BCKDHB: variants seen among roughly 807,000 people sequenced by gnomAD.
The protein encoded by BCKDHB is branched chain keto acid dehydrogenase E1 subunit beta.
Under a neutral mutation model 48.5 loss-of-function variants are expected in BCKDHB, and 41 were observed. That is an observed-to-expected ratio of 0.85 (90% CI 0.66 to 1.10). BCKDHB has a LOEUF of 1.10. Among genes scored for constraint, BCKDHB ranks in the 50% least tolerant of loss-of-function variants. The pLI is 0.00. For missense variants in BCKDHB, 496 were observed against 494.2 expected, an observed-to-expected ratio of 1.00 and a Z score of -0.03; for synonymous variants, 201 against 174.8, an observed-to-expected ratio of 1.15 and a Z score of -1.18.
chr6:80,412,614 T>TCTCCCGCCTTTTTTCCCGGCGGCGG, the BCKDHB span, among the ~76,000 whole-genome samples: 2 of 152,234 alleles, frequency 1.3e-5, no homozygotes, highest in African/African-American at 4.8e-5. Flanking sequence ...CCTTCATCCA[T>TCTCCCGCCTTTTTTCCCGGCGGCGG]GAGTTGTATA....
chr6:80,390,740 G>T, the BCKDHB span, among the ~76,000 whole-genome samples: 1 of 152,060 alleles, frequency 6.6e-6, no homozygotes, highest in African/African-American at 2.4e-5. Flanking sequence ...ATGTGTATAG[G>T]TTCAAGTTGA....
intron 6 of BCKDHB, among the ~76,000 whole-genome samples, chr6:80,181,262 A>G (rs577836352): frequency 1.3e-5 from 2 of 152,346 alleles, no homozygotes; most frequent in South Asian, 2.1e-4. Flanking sequence ...TTAAAAATGT[A>G]TACAACTGCT....
chr6:80,428,889 G>A, the BCKDHB span, among the ~76,000 whole-genome samples: 5 of 152,120 alleles, frequency 3.3e-5, no homozygotes, highest in Non-Finnish European at 5.9e-5. Flanking sequence ...GATCCCATTT[G>A]TCAATTTTGG....
chr6:80,403,640 C>T, the BCKDHB span, among the ~76,000 whole-genome samples: 1 of 151,896 alleles, frequency 6.6e-6, no homozygotes, highest in East Asian at 1.9e-4. Flanking sequence ...TGAGATTGGG[C>T]ATCATTATCT....
chr6:80,407,867 C>T, the BCKDHB span, among the ~76,000 whole-genome samples: 8 of 152,014 alleles, frequency 5.3e-5, no homozygotes, highest in African/African-American at 1.9e-4. Context: ...GCCTGATTGC[C>T]CTGGCTGGAA....
chr6:80,167,498 T>A (rs1394627726), intron 3 of BCKDHB, among the ~76,000 whole-genome samples, 180 bp from the exon 4 acceptor site: 1 of 152,144 alleles, frequency 6.6e-6, no homozygotes, highest in African/African-American at 2.4e-5. Context: ...TGCCTTGGCC[T>A]CCCAAACTGC....
At chr6:80,232,374 G>T (rs1257843064) in intron 8 of BCKDHB, among the ~76,000 whole-genome samples, 2 of 151,680 alleles carry the variant, frequency 1.3e-5, no homozygotes, top group African/African-American at 4.8e-5. Flanking sequence ...AGGAAAGTAG[G>T]CATTCTTTAC....
chr6:80,109,667 A>G (rs1769312650), intron 1 of BCKDHB, among the ~76,000 whole-genome samples: 1 of 152,018 alleles, frequency 6.6e-6, no homozygotes, highest in Admixed American at 6.6e-5. Flanking sequence ...AAATTGATTT[A>G]TTTTTACTTA....
intron 1 of BCKDHB, among the ~76,000 whole-genome samples, chr6:80,121,912 G>A (rs1371234186): frequency 1.3e-5 from 2 of 152,174 alleles, no homozygotes; most frequent in African/African-American, 4.8e-5. Context: ...GTGAGAGAGG[G>A]CATCCTTGTC....
chr6:80,262,128 T>G (rs1777332684), intron 8 of BCKDHB, among the ~76,000 whole-genome samples: 1 of 152,162 alleles, frequency 6.6e-6, no homozygotes, highest in South Asian at 2.1e-4. Context: ...GCCACTGAGC[T>G]AGGGTCACAC....
chr6:80,383,548 T>C, the BCKDHB span, among the ~76,000 whole-genome samples: 1 of 152,254 alleles, frequency 6.6e-6, no homozygotes, highest in East Asian at 1.9e-4. Context: ...TTTTCTAATA[T>C]TTCCTAGCTT....
chr6:80,342,178 T>A (rs1194751201), intron 9 of BCKDHB, among the ~76,000 whole-genome samples: 1 of 151,854 alleles, frequency 6.6e-6, no homozygotes, highest in African/African-American at 2.4e-5. Context: ...ACACAGGGGG[T>A]AGGGATAAAG....
chr6:80,193,547 T>C (rs1010818468), intron 6 of BCKDHB, among the ~76,000 whole-genome samples: 5 of 151,896 alleles, frequency 3.3e-5, no homozygotes, highest in Non-Finnish European at 7.4e-5. Flanking sequence ...GGCAAAACCC[T>C]GTATCTACTA....
At chr6:80,297,278 A>G (rs1226487478) in intron 9 of BCKDHB, among the ~76,000 whole-genome samples, 1 of 152,210 alleles carries the variant, frequency 6.6e-6, no homozygotes, top group Non-Finnish European at 1.5e-5. Context: ...AAATGTTTAA[A>G]TTTTGAAGAT....
chr6:80,141,382 A>T (rs1243867051), intron 3 of BCKDHB, among the ~76,000 whole-genome samples: 3 of 152,126 alleles, frequency 2.0e-5, no homozygotes, highest in Non-Finnish European at 4.4e-5. Context: ...GTTTGAAAAA[A>T]ATCTATTTTT....
chr6:80,372,965 G>T, the BCKDHB span, among the ~76,000 whole-genome samples: 2 of 152,064 alleles, frequency 1.3e-5, no homozygotes, highest in African/African-American at 4.8e-5. Flanking sequence ...TGGCTTCATA[G>T]AATGATTTAG....
At chr6:80,115,132 C>T (rs904526072) in intron 1 of BCKDHB, among the ~76,000 whole-genome samples, 9 of 152,010 alleles carry the variant, frequency 5.9e-5, no homozygotes, top group Non-Finnish European at 1.0e-4. Flanking sequence ...CTTTATGGAT[C>T]TTTCATTTCA....
chr6:80,429,147 G>A, the BCKDHB span, among the ~76,000 whole-genome samples: 1 of 152,150 alleles, frequency 6.6e-6, no homozygotes, highest in South Asian at 2.1e-4. Context: ...CCCGTTGCTT[G>A]TTTGTGTCAG....
At chr6:80,374,679 C>A in the BCKDHB span, 1 of 400,138 alleles carries the variant, frequency 2.5e-6, no homozygotes, top group Non-Finnish European at 4.6e-6. Flanking sequence ...AGGTACTATT[C>A]TATTCACCAT....
Sources: allele counts gnomAD v4.1 joint callset (sites outside exome capture counted in the v4.1 genomes callset), GRCh38; gene constraint gnomAD v4.1.1; transcripts MANE v1.5; gene names NCBI Gene and HGNC (gene_info 2026-07-23, HGNC 2026-07-21).